The following SLC25A48 variants were observed in gnomAD, a reference collection of about 807,000 sequenced individuals.
The protein encoded by SLC25A48 is solute carrier family 25 member 48, also known as CTC-321K16.1.
Under a neutral mutation model 32.2 loss-of-function variants are expected in SLC25A48, and 29 were observed. The observed-to-expected ratio is 0.90, with a 90% CI of 0.67 to 1.23. SLC25A48 has a LOEUF of 1.23. Ranked by LOEUF, SLC25A48 falls within the 50% of genes most tolerant of loss-of-function variation. The pLI, the probability that SLC25A48 is intolerant of heterozygous loss-of-function variation, is 0.00. For missense variants in SLC25A48, 399 were observed against 422.7 expected (o/e 0.94, Z 0.49); for synonymous variants, 164 against 172.3 (o/e 0.95, Z 0.38).
chr5:135,595,943 C>T (rs1751640409), intron 1 of SLC25A48, among the ~76,000 whole-genome samples: 1 of 152,156 alleles, frequency 6.6e-6, no homozygotes, highest in Admixed American at 6.5e-5. Context: ...TCCTCTTGGT[C>T]CTTTTGGGCA....
chr5:135,632,477 A>C (rs1299510038), intron 2 of SLC25A48, among the ~76,000 whole-genome samples: 1 of 152,184 alleles, frequency 6.6e-6, no homozygotes, highest in African/African-American at 2.4e-5. Flanking sequence ...TCAGGGATTG[A>C]TTATGAAGTA....
intron 3 of SLC25A48, among the ~76,000 whole-genome samples, chr5:135,773,443 G>C (rs917589026): frequency 6.6e-6 from 1 of 151,560 alleles, no homozygotes; most frequent in African/African-American, 2.4e-5. Flanking sequence ...ATAACGCAGG[G>C]GGTGTACACC....
intron 3 of SLC25A48, among the ~76,000 whole-genome samples, chr5:135,788,477 G>A (rs1011614738): frequency 6.7e-6 from 1 of 149,640 alleles, no homozygotes; most frequent in African/African-American, 2.5e-5. Flanking sequence ...GGGGGGAGAG[G>A]GTGATATTTC....
chr5:135,683,697 A>G (rs1414185137), intron 3 of SLC25A48, among the ~76,000 whole-genome samples: 1 of 152,216 alleles, frequency 6.6e-6, no homozygotes, highest in Non-Finnish European at 1.5e-5. Flanking sequence ...CAAACTGCCC[A>G]TGACAAGAGG....
At chr5:135,684,189 C>T (rs936086173) in intron 3 of SLC25A48, among the ~76,000 whole-genome samples, 8 of 152,154 alleles carry the variant, frequency 5.3e-5, no homozygotes, top group Non-Finnish European at 2.9e-5. Flanking sequence ...CCCAACAACT[C>T]GGTTCTCAGA....
At position 135,641,970 on chromosome 5, in the gene SLC25A48, G is replaced by A. The variant is rs143850480; in HGVS notation, c.-521+7014G>A. Among the ~76,000 whole-genome samples the A allele has an allele frequency of 1.4e-4, 21 of 152,324 alleles. No individual in the cohort carries two copies. In the East Asian group the frequency reaches 3.9e-3, roughly 28 times the overall value. On this transcript the variant is annotated intron_variant, in intron 3 of 10. Transcript: ENST00000646290. Reference sequence around the variant, plus strand: ...ACAACTAGTGTAATACATAGAGCCAGATGGCTTTACATATTTTTCTGAAGG... The same window carrying A: ...ACAACTAGTGTAATACATAGAGCCAAATGGCTTTACATATTTTTCTGAAGG...
At chr5:135,767,746 A>T (rs1756281316) in intron 3 of SLC25A48, among the ~76,000 whole-genome samples, 1 of 151,272 alleles carries the variant, frequency 6.6e-6, no homozygotes. Flanking sequence ...GGAGTGGATG[A>T]TATTACTTCT....
At chr5:135,695,473 C>T (rs888793365) in intron 3 of SLC25A48, among the ~76,000 whole-genome samples, 1 of 152,252 alleles carries the variant, frequency 6.6e-6, no homozygotes, top group Admixed American at 6.5e-5. Flanking sequence ...ATTTTCCCAG[C>T]ATGCTTTGCA....
At chr5:135,834,298 C>G (rs1758323633), upstream of SLC25A48, among the ~76,000 whole-genome samples, 1 of 152,218 alleles carries the variant, frequency 6.6e-6, no homozygotes, top group Admixed American at 6.5e-5. Context: ...CCACCAGGTG[C>G]CTGCTCTAGG....
intron 1 of SLC25A48, among the ~76,000 whole-genome samples, chr5:135,615,160 A>G (rs1366255374): frequency 6.6e-6 from 1 of 152,246 alleles, no homozygotes; most frequent in African/African-American, 2.4e-5. Context: ...GGGCATTGCT[A>G]TAAAGACACC....
chr5:135,800,553 C>T (rs985402035), intron 3 of SLC25A48, among the ~76,000 whole-genome samples: 4 of 151,466 alleles, frequency 2.6e-5, no homozygotes, highest in African/African-American at 9.7e-5. Context: ...TTCCTATATC[C>T]AGAGGAAGAG....
chr5:135,595,399 A>G (rs1451020871), intron 1 of SLC25A48, among the ~76,000 whole-genome samples: 1 of 152,150 alleles, frequency 6.6e-6, no homozygotes, highest in Non-Finnish European at 1.5e-5. Context: ...TTGGAAGGTT[A>G]TTGATGGACA....
chr5:135,818,951 GATTTCAGTAGCAGAA>G (rs1757809404), intron 4 of SLC25A48, among the ~76,000 whole-genome samples: 1 of 152,100 alleles, frequency 6.6e-6, no homozygotes, highest in Non-Finnish European at 1.5e-5. Context: ...TTCACTGAAT[GATTTCAGTAGCAGAA>G]TGGTGATGTC....
intron 4 of SLC25A48, chr5:135,825,046 G>C (rs1047081248): frequency 6.6e-6 from 1 of 152,184 alleles, no homozygotes; most frequent in African/African-American, 2.4e-5. Flanking sequence ...TGGGGAACGT[G>C]GTTTCCTTAT....
At chr5:135,836,244 C>T (rs1165956339) in intron 1 of SLC25A48, among the ~76,000 whole-genome samples, 1 of 152,152 alleles carries the variant, frequency 6.6e-6, no homozygotes, top group Non-Finnish European at 1.5e-5. Context: ...TGAACCCTCC[C>T]CGACTCACAG....
At chr5:135,858,678 G>A (rs1444935224) in intron 4 of SLC25A48, among the ~76,000 whole-genome samples, 1 of 152,232 alleles carries the variant, frequency 6.6e-6, no homozygotes, top group Non-Finnish European at 1.5e-5. Flanking sequence ...TTTGCCCCAG[G>A]ATTTGTAGAA....
chr5:135,691,900 T>C (rs1754151255), intron 3 of SLC25A48, among the ~76,000 whole-genome samples: 1 of 152,182 alleles, frequency 6.6e-6, no homozygotes, highest in Non-Finnish European at 1.5e-5. Flanking sequence ...CTTGCTCAAG[T>C]GTGGTTGGTG....
intron 1 of SLC25A48, among the ~76,000 whole-genome samples, chr5:135,626,806 C>T (rs555598178): frequency 2.5e-4 from 38 of 152,226 alleles, no homozygotes; most frequent in African/African-American, 3.6e-4. Flanking sequence ...TTCCAAATTC[C>T]CCTGGACATA....
intron 3 of SLC25A48, among the ~76,000 whole-genome samples, chr5:135,680,982 CT>C (rs1282023062): frequency 6.6e-6 from 1 of 151,916 alleles, no homozygotes; most frequent in Non-Finnish European, 1.5e-5. Context: ...TTTTCTTTTT[CT>C]TTTTTTCTTT....
Sources: gnomAD v4.1 joint callset for allele counts (sites outside exome capture counted in the v4.1 genomes callset) on GRCh38, gnomAD v4.1.1 for gene constraint, MANE v1.5 for transcripts, NCBI Gene and HGNC (gene_info 2026-07-23, HGNC 2026-07-21) for gene names.